The following FBXL2 variants were observed in gnomAD, a reference collection of about 807,000 sequenced individuals.
FBXL2 encodes F-box/LRR-repeat protein 2.
FBXL2 carries 38 observed loss-of-function variants against 69.2 expected under a neutral mutation model. That is an observed-to-expected ratio of 0.55 (90% CI 0.42 to 0.72). FBXL2 has a LOEUF of 0.72. Among genes scored for constraint, FBXL2 ranks in the 30% least tolerant of loss-of-function variants. The pLI, the probability that FBXL2 is intolerant of heterozygous loss-of-function variation, is 0.00. For synonymous variants in FBXL2, 192 were observed against 201.3 expected, an observed-to-expected ratio of 0.95 and a Z score of 0.39; for missense variants, 354 against 520.3, an observed-to-expected ratio of 0.68 and a Z score of 3.11.
At chr3:33,277,615 G>T in intron 1 of FBXL2, 100 bp downstream of exon 1, 2 of 1,173,224 alleles carry the variant, frequency 1.7e-6, no homozygotes, top group Non-Finnish European at 1.1e-6. Flanking sequence ...CGGCGCAGGG[G>T]TCGTGGAGAG....
At chr3:33,359,149 G>T in intron 3 of FBXL2, 128 bp downstream of exon 3, 2 of 907,142 alleles carry the variant, frequency 2.2e-6, no homozygotes, top group Non-Finnish European at 3.2e-6. Context: ...GTATAATTTT[G>T]CATTTGATGA....
chr3:33,336,846 A>G, intron 2 of FBXL2, among the ~76,000 whole-genome samples: 1 of 151,596 alleles, frequency 6.6e-6, no homozygotes, highest in East Asian at 1.9e-4. Context: ...TAGAGGTTGC[A>G]GTGAGCCGAG....
intron 13 of FBXL2, among the ~76,000 whole-genome samples, chr3:33,380,283 C>T (rs1247970400): frequency 1.3e-5 from 2 of 150,428 alleles, no homozygotes; most frequent in South Asian, 2.1e-4. Flanking sequence ...AGGCCGGCTG[C>T]GGTGGCTCAT....
intron 2 of FBXL2, among the ~76,000 whole-genome samples, chr3:33,319,025 T>C (rs1211161485): frequency 2.0e-5 from 3 of 152,210 alleles, no homozygotes. Flanking sequence ...TCATTATTTG[T>C]AAAGCACGAA....
downstream of FBXL2, chr3:33,390,327 G>A: frequency 6.2e-7 from 1 of 1,613,794 alleles, no homozygotes; most frequent in Non-Finnish European, 8.5e-7. Context: ...GTCTATATAA[G>A]ACATCACTTC....
chr3:33,369,694 C>T (rs749580905), intron 5 of FBXL2, among the ~76,000 whole-genome samples: 11 of 152,046 alleles, frequency 7.2e-5, no homozygotes, highest in Non-Finnish European at 1.5e-4. Flanking sequence ...CTCAGTGCAA[C>T]GTCTGCCTCC....
intron 1 of FBXL2, among the ~76,000 whole-genome samples, chr3:33,279,575 G>A (rs2033740545): frequency 6.6e-6 from 1 of 152,110 alleles, no homozygotes; most frequent in African/African-American, 2.4e-5. Context: ...CCCCAGAACT[G>A]TGTTCTAAAT....
chr3:33,404,515 A>C (rs61223108), downstream of FBXL2, among the ~76,000 whole-genome samples: 1 of 150,924 alleles, frequency 6.6e-6, no homozygotes, highest in African/African-American at 2.4e-5. Context: ...GGTATGGTGG[A>C]GCACACCTGT....
chr3:33,346,146 A>T (rs1254084232), intron 2 of FBXL2, among the ~76,000 whole-genome samples: 2 of 152,036 alleles, frequency 1.3e-5, no homozygotes, highest in Admixed American at 1.3e-4. Flanking sequence ...AGAATCGCTT[A>T]ACCTGGGAGG....
chr3:33,362,724 A>T (rs1054313113), intron 4 of FBXL2, among the ~76,000 whole-genome samples: 19 of 152,166 alleles, frequency 1.2e-4, no homozygotes, highest in African/African-American at 3.6e-4. Context: ...AATAAAATTT[A>T]AAAAAATGTT....
intron 1 of FBXL2, among the ~76,000 whole-genome samples, chr3:33,289,411 C>T (rs890932197): frequency 2.0e-5 from 3 of 151,972 alleles, no homozygotes; most frequent in African/African-American, 7.3e-5. Flanking sequence ...TTATTGCTCC[C>T]ACTCTGGTAG....
At chr3:33,347,581 T>C (rs940292623) in intron 2 of FBXL2, among the ~76,000 whole-genome samples, 1 of 152,178 alleles carries the variant, frequency 6.6e-6, no homozygotes, top group Non-Finnish European at 1.5e-5. Flanking sequence ...TTTTAGTTTT[T>C]TTGAGGAACC....
chr3:33,412,993 G>A, the FBXL2 span, among the ~76,000 whole-genome samples: 3 of 152,072 alleles, frequency 2.0e-5, no homozygotes, highest in African/African-American at 7.2e-5. Context: ...CCTGGATTAC[G>A]GTACAATTAT....
downstream of FBXL2, chr3:33,388,902 T>A (rs1350277994): frequency 6.6e-6 from 1 of 152,194 alleles, no homozygotes; most frequent in Admixed American, 6.5e-5. Context: ...AATTACTCAT[T>A]TCCTATTTTT....
At chr3:33,319,182 G>A (rs1455350857) in intron 2 of FBXL2, among the ~76,000 whole-genome samples, 1 of 151,928 alleles carries the variant, frequency 6.6e-6, no homozygotes, top group African/African-American at 2.4e-5. Flanking sequence ...CAGTGGTTCA[G>A]CACAAACTTC....
At chr3:33,364,818 C>T in intron 5 of FBXL2, 99 bp downstream of exon 5, 1 of 1,082,396 alleles carries the variant, frequency 9.2e-7, no homozygotes, top group Non-Finnish European at 1.4e-6. Flanking sequence ...TGTTAAAATT[C>T]TTTCTGTGGT....
At chr3:33,407,321 A>C (rs890093346), downstream of FBXL2, among the ~76,000 whole-genome samples, 2 of 152,148 alleles carry the variant, frequency 1.3e-5, no homozygotes, top group Non-Finnish European at 2.9e-5. Flanking sequence ...GGCTATAATG[A>C]ATTTCTTTTA....
intron 5 of FBXL2, among the ~76,000 whole-genome samples, chr3:33,371,330 ATTT>A (rs749436186): frequency 3.0e-5 from 4 of 134,128 alleles, no homozygotes; most frequent in Non-Finnish European, 4.8e-5. Context: ...ATACCAGCTA[ATTT>A]TTTTTTTTTT....
intron 2 of FBXL2, among the ~76,000 whole-genome samples, chr3:33,312,502 G>A (rs1043565201): frequency 6.6e-6 from 1 of 152,312 alleles, no homozygotes; most frequent in Middle Eastern, 3.4e-3. Flanking sequence ...TGCATTTGAA[G>A]AAGTAGGGAC....
Sources: allele counts gnomAD v4.1 joint callset (sites outside exome capture counted in the v4.1 genomes callset), GRCh38; gene constraint gnomAD v4.1.1; transcripts MANE v1.5; gene names NCBI Gene and HGNC (gene_info 2026-07-23, HGNC 2026-07-21).